Variants in RBFOX1 observed in about 807,000 individuals in gnomAD.
RBFOX1 encodes the protein RNA binding fox-1 homolog 1.
Under a neutral mutation model 57.7 loss-of-function variants are expected in RBFOX1, and 8 were observed. The observed-to-expected ratio is 0.14, with a 90% confidence interval of 0.08 to 0.25. The LOEUF (loss-of-function observed/expected upper bound fraction) is 0.25. RBFOX1 is among the 10% of genes least tolerant of loss of function. RBFOX1 has a pLI of 1.00. For missense variants in RBFOX1, 611 were observed against 548.5 expected, an observed-to-expected ratio of 1.11 and a Z score of -1.14; for synonymous variants, 326 against 222.4, an observed-to-expected ratio of 1.47 and a Z score of -4.15.
At chr16:6,874,973 A>G (rs1430312768) in intron 3 of RBFOX1, among the ~76,000 whole-genome samples, 1 of 152,220 alleles carries the variant, frequency 6.6e-6, no homozygotes, top group African/African-American at 2.4e-5. Flanking sequence ...TGGCTTCATA[A>G]CCCATGTTAC....
At chr16:6,536,430 C>G (rs2096736574) in intron 2 of RBFOX1, among the ~76,000 whole-genome samples, 1 of 152,204 alleles carries the variant, frequency 6.6e-6, no homozygotes, top group South Asian at 2.1e-4. Flanking sequence ...CTGTTGACTT[C>G]AAGTTAATGC....
intron 1 of RBFOX1, among the ~76,000 whole-genome samples, chr16:5,401,764 T>TCTCCTCCTCCTCCTCCTC (rs71142618): frequency 4.8e-4 from 50 of 103,470 alleles, no homozygotes; most frequent in African/African-American, 1.5e-3. Context: ...TCCCTGTCTC[T>TCTCCTCCTCCTCCTCCTC]CTCCTCCTCC....
At chr16:5,733,736 A>C (rs753764984) in intron 3 of RBFOX1, among the ~76,000 whole-genome samples, 1 of 148,292 alleles carries the variant, frequency 6.7e-6, no homozygotes, top group Admixed American at 6.7e-5. Flanking sequence ...TTCCCTTCCT[A>C]TCTCTTCTTT....
At chr16:6,423,309 G>A (rs756618207) in intron 2 of RBFOX1, among the ~76,000 whole-genome samples, 11 of 152,180 alleles carry the variant, frequency 7.2e-5, no homozygotes, top group Non-Finnish European at 1.0e-4. Flanking sequence ...TAGGAGGCAC[G>A]TCTTCCTGAC....
intron 4 of RBFOX1, among the ~76,000 whole-genome samples, chr16:5,970,567 A>T (rs1455560929): frequency 6.6e-6 from 1 of 152,168 alleles, no homozygotes; most frequent in Non-Finnish European, 1.5e-5. Flanking sequence ...TAAGATAGAA[A>T]TCTTGACCCT....
intron 1 of RBFOX1, among the ~76,000 whole-genome samples, chr16:5,384,569 C>T (rs903969869): frequency 2.0e-5 from 3 of 152,114 alleles, no homozygotes; most frequent in African/African-American, 7.2e-5. Flanking sequence ...AGCCTAGAAA[C>T]AGAAGAAATT....
intron 1 of RBFOX1, among the ~76,000 whole-genome samples, chr16:6,041,094 T>C (rs1459871207): frequency 6.6e-6 from 1 of 152,188 alleles, no homozygotes; most frequent in Non-Finnish European, 1.5e-5. Flanking sequence ...AAGTCTCCTG[T>C]ACTTCACTTA....
At position 6,755,411 on chromosome 16, in the gene RBFOX1, G is replaced by A. The variant is rs945360034; in HGVS notation, c.-16+100761G>A. ...ATTGCCATTCTAACTGGTGTGAGAT[G>A]GTATCTCATTGTGGTTTTGATTTGC... On this transcript the variant is annotated intron_variant, in intron 3 of 15. Coordinates refer to ENST00000550418, the MANE Select transcript of RBFOX1 (RefSeq NM_018723.4). 1.1e-4 allele frequency among the ~76,000 whole-genome samples: 16 copies of A among 152,246 alleles called. 1 individual carries two copies. Among genetic ancestry groups the A allele is most frequent in the African/African-American group, 3.8e-4 (16 of 41,562 alleles).
At chr16:5,438,148 C>T (rs949637006) in intron 1 of RBFOX1, among the ~76,000 whole-genome samples, 2 of 152,130 alleles carry the variant, frequency 1.3e-5, no homozygotes, top group Admixed American at 6.5e-5. Context: ...ATTACACTTC[C>T]AACCACAGGG....
intron 4 of RBFOX1, among the ~76,000 whole-genome samples, chr16:7,138,308 C>T (rs561947255): frequency 7.9e-5 from 12 of 152,178 alleles, no homozygotes; most frequent in Non-Finnish European, 1.5e-4. Flanking sequence ...TCTTCAGCAA[C>T]ATGACTCATT....
At chr16:6,263,365 A>G (rs981772314) in intron 1 of RBFOX1, among the ~76,000 whole-genome samples, 2 of 152,150 alleles carry the variant, frequency 1.3e-5, no homozygotes, top group African/African-American at 4.8e-5. Context: ...GGAGAATGAT[A>G]TCTATGTTTT....
chr16:5,635,017 G>A (rs953661248), intron 3 of RBFOX1, among the ~76,000 whole-genome samples: 1 of 152,218 alleles, frequency 6.6e-6, no homozygotes, highest in East Asian at 1.9e-4. Flanking sequence ...ATGTGATCAG[G>A]GTCAGGCAGT....
At chr16:5,924,256 T>C (rs557913652) in intron 4 of RBFOX1, among the ~76,000 whole-genome samples, 10 of 152,266 alleles carry the variant, frequency 6.6e-5, no homozygotes, top group African/African-American at 2.4e-4. Context: ...CAGTGTCAGG[T>C]ATTTCTTCAT....
At chr16:7,558,629 A>C (rs1048804594) in intron 5 of RBFOX1, among the ~76,000 whole-genome samples, 1 of 152,164 alleles carries the variant, frequency 6.6e-6, no homozygotes, top group African/African-American at 2.4e-5. Context: ...AGAGTCACAG[A>C]ATTCCTGACA....
At chr16:5,424,711 G>C (rs2067460950) in intron 1 of RBFOX1, among the ~76,000 whole-genome samples, 2 of 151,878 alleles carry the variant, frequency 1.3e-5, no homozygotes, top group African/African-American at 4.8e-5. Flanking sequence ...GCGCACGTGT[G>C]GGTTTGTTAC....
At chr16:5,516,665 A>G (rs1352676900) in intron 2 of RBFOX1, among the ~76,000 whole-genome samples, 6 of 152,160 alleles carry the variant, frequency 3.9e-5, no homozygotes, top group African/African-American at 1.4e-4. Context: ...TAGTTTCCAT[A>G]ATCCCCATAT....
chr16:7,071,207 A>C (rs562787550), intron 4 of RBFOX1, among the ~76,000 whole-genome samples: 2 of 152,148 alleles, frequency 1.3e-5, no homozygotes, highest in Admixed American at 6.6e-5. Flanking sequence ...GAATTAGATT[A>C]TTCTAAAAGC....
intron 4 of RBFOX1, among the ~76,000 whole-genome samples, chr16:7,112,378 A>ATT (rs5815373): frequency 0.12 from 16,301 of 139,278 alleles, 1,153 homozygotes; most frequent in South Asian, 0.2. Flanking sequence ...AATTTTTTGT[A>ATT]TTTTTTTTTT....
intron 3 of RBFOX1, among the ~76,000 whole-genome samples, chr16:6,896,196 C>A (rs989041239): frequency 6.6e-6 from 1 of 152,096 alleles, no homozygotes; most frequent in Non-Finnish European, 1.5e-5. Context: ...TCACTTGAAC[C>A]TGGCAGGCGA....
Sources: allele counts gnomAD v4.1 joint callset (sites outside exome capture counted in the v4.1 genomes callset), GRCh38; gene constraint gnomAD v4.1.1; transcripts MANE v1.5; gene names NCBI Gene and HGNC (gene_info 2026-07-23, HGNC 2026-07-21).